The following TANC2 variants were observed in gnomAD, a reference collection of about 807,000 sequenced individuals.
The protein encoded by TANC2 is tetratricopeptide repeat, ankyrin repeat and coiled-coil containing 2, also known as protein TANC2.
Under a neutral mutation model 210.5 loss-of-function variants are expected in TANC2, and 26 were observed. The observed-to-expected ratio is 0.12, with a 90% confidence interval of 0.09 to 0.17. The LOEUF is 0.17. Among genes scored for constraint, TANC2 ranks in the 10% least tolerant of loss-of-function variants. The pLI, the probability that TANC2 is intolerant of heterozygous loss-of-function variation, is 1.00. For missense variants in TANC2, 2,129 were observed against 2,608.9 expected (o/e 0.82, Z 4.01); for synonymous variants, 931 against 967.1 (o/e 0.96, Z 0.69).
chr17:63,194,088 A>T, exon 6 of TANC2: 1 of 1,613,494 alleles, frequency 6.2e-7, no homozygotes, highest in Non-Finnish European at 8.5e-7. Flanking sequence ...AGAAAGTCAC[A>T]GAAGTTCAGC....
chr17:63,003,643 G>A (rs2033483637), intron 1 of TANC2, among the ~76,000 whole-genome samples: 2 of 152,172 alleles, frequency 1.3e-5, no homozygotes, highest in African/African-American at 4.8e-5. Flanking sequence ...GCAGGTAACC[G>A]AAACCATGGA....
intron 4 of TANC2, among the ~76,000 whole-genome samples, chr17:63,110,476 A>G (rs1032295462): frequency 3.3e-5 from 5 of 151,660 alleles, no homozygotes; most frequent in Non-Finnish European, 7.3e-5. Context: ...ACAGAAATCT[A>G]TTTTCTCACA....
At chr17:63,317,959 A>C (rs183345816) in intron 10 of TANC2, among the ~76,000 whole-genome samples, 53 of 152,334 alleles carry the variant, frequency 3.5e-4, no homozygotes, top group Admixed American at 9.8e-4. Context: ...AGTAACATAC[A>C]ATCACTGAAC....
intron 5 of TANC2, among the ~76,000 whole-genome samples, chr17:63,187,999 T>C (rs886340937): frequency 6.6e-6 from 1 of 151,972 alleles, no homozygotes; most frequent in African/African-American, 2.4e-5. Context: ...CTCAAACATA[T>C]AAAAAATGGA....
intron 4 of TANC2, among the ~76,000 whole-genome samples, chr17:63,123,544 G>A (rs928871147): frequency 6.7e-6 from 1 of 148,338 alleles, no homozygotes; most frequent in South Asian, 2.1e-4. Context: ...GGGCGACAAG[G>A]TGAGATTCTG....
chr17:63,229,555 GTTTTT>G (rs34411520), intron 7 of TANC2, among the ~76,000 whole-genome samples: 1 of 140,344 alleles, frequency 7.1e-6, no homozygotes, highest in African/African-American at 2.6e-5. Context: ...CTGGTCCTGG[GTTTTT>G]TTTTTTTTTT....
intron 1 of TANC2, among the ~76,000 whole-genome samples, chr17:62,990,633 T>A (rs1436214511): frequency 2.0e-5 from 3 of 152,044 alleles, no homozygotes; most frequent in Non-Finnish European, 4.4e-5. Flanking sequence ...CTGATAGAAA[T>A]AGCTATTAAA....
chr17:63,337,762 T>G (rs2046084007), intron 11 of TANC2, among the ~76,000 whole-genome samples: 1 of 152,170 alleles, frequency 6.6e-6, no homozygotes, highest in Non-Finnish European at 1.5e-5. Flanking sequence ...ACTGATCCTC[T>G]CCCTCCTCCC....
chr17:63,182,231 GT>G, intron 5 of TANC2: 1 of 175,400 alleles, frequency 5.7e-6, no homozygotes, highest in Non-Finnish European at 1.2e-5. Flanking sequence ...CCGCTCCAAG[GT>G]TATTAAAGAG....
chr17:63,394,640 T>G (rs1323700567), intron 17 of TANC2, among the ~76,000 whole-genome samples: 1 of 152,202 alleles, frequency 6.6e-6, no homozygotes, highest in Non-Finnish European at 1.5e-5. Flanking sequence ...TGCCCTACTC[T>G]TACAAAAAGT....
At chr17:62,998,617 G>T (rs1336805459) in intron 1 of TANC2, among the ~76,000 whole-genome samples, 1 of 152,176 alleles carries the variant, frequency 6.6e-6, no homozygotes, top group Admixed American at 6.5e-5. Flanking sequence ...TTAAAGAAAA[G>T]AAATTCTAAC....
At chr17:63,423,069 C>CTT (rs2147444254) in exon 28 of TANC2, 1 of 152,350 alleles carries the variant, frequency 6.6e-6, no homozygotes, top group East Asian at 1.9e-4. Context: ...GACCATGAGA[C>CTT]TGAGTCCCAA....
intron 19 of TANC2, among the ~76,000 whole-genome samples, chr17:63,403,594 C>T (rs1317387591): frequency 6.6e-6 from 1 of 152,228 alleles, no homozygotes; most frequent in Non-Finnish European, 1.5e-5. Context: ...CACCTGAGCT[C>T]ACCCACTCAG....
At chr17:62,987,274 T>C (rs2032616743) in intron 1 of TANC2, among the ~76,000 whole-genome samples, 1 of 152,020 alleles carries the variant, frequency 6.6e-6, no homozygotes, top group Non-Finnish European at 1.5e-5. Context: ...CAGCCACTGG[T>C]GTGGAATTCG....
intron 9 of TANC2, among the ~76,000 whole-genome samples, chr17:63,275,744 A>G (rs1486914250): frequency 6.6e-6 from 1 of 152,166 alleles, no homozygotes; most frequent in African/African-American, 2.4e-5. Context: ...TTCCTATAGT[A>G]AATATTATAT....
At chr17:63,213,013 T>C (rs373674432) in intron 7 of TANC2, among the ~76,000 whole-genome samples, 1 of 152,256 alleles carries the variant, frequency 6.6e-6, no homozygotes, top group South Asian at 2.1e-4. Flanking sequence ...ACCCTTGATA[T>C]AATTCTAGCT....
chr17:63,419,913 T>G, intron 27 of TANC2, 86 bp from the exon 28 acceptor site: 1 of 1,430,476 alleles, frequency 7.0e-7, no homozygotes, highest in Non-Finnish European at 9.2e-7. Context: ...CACAGCTCTC[T>G]GAGATAGTGA....
At chr17:63,091,525 G>A (rs1198691664) in intron 3 of TANC2, among the ~76,000 whole-genome samples, 1 of 152,110 alleles carries the variant, frequency 6.6e-6, no homozygotes, top group Non-Finnish European at 1.5e-5. Flanking sequence ...GGTTGTAGAT[G>A]TGTGGTATTA....
At chr17:63,180,867 T>C (rs1017167871) in intron 5 of TANC2, among the ~76,000 whole-genome samples, 9 of 151,390 alleles carry the variant, frequency 5.9e-5, no homozygotes, top group Non-Finnish European at 1.3e-4. Flanking sequence ...CTACTAAATA[T>C]ACAAAAAGTA....
Sources: gnomAD v4.1 joint callset for allele counts (sites outside exome capture counted in the v4.1 genomes callset) on GRCh38, gnomAD v4.1.1 for gene constraint, MANE v1.5 for transcripts, NCBI Gene and HGNC (gene_info 2026-07-23, HGNC 2026-07-21) for gene names.